The following GALNT14 variants were observed in gnomAD, a reference collection of about 807,000 sequenced individuals.
GALNT14 encodes polypeptide N-acetylgalactosaminyltransferase 14.
GALNT14 carries 60 observed loss-of-function variants against 77.5 expected under a neutral mutation model. That is an observed-to-expected ratio of 0.77 (90% CI 0.63 to 0.96). The LOEUF (loss-of-function observed/expected upper bound fraction) is 0.96. Among genes scored for constraint, GALNT14 ranks in the 40% least tolerant of loss-of-function variants. The probability of loss-of-function intolerance (pLI) is 0.00; values close to 1 mark genes in which losing one functional copy is unlikely to be tolerated. For missense variants in GALNT14, 710 were observed against 731.0 expected, an observed-to-expected ratio of 0.97 and a Z score of 0.33; for synonymous variants, 280 against 281.7, an observed-to-expected ratio of 0.99 and a Z score of 0.06.
chr2:31,130,734 CTGTGTGTGTGTG>C lies in GALNT14; in HGVS notation c.129+7212_129+7223del, dbSNP rs4020220. Among the ~76,000 whole-genome samples the C allele has an allele frequency of 5.9e-3, 691 of 117,534 alleles. 5 individuals are homozygous for C. Among genetic ancestry groups the C allele is most frequent in the African/African-American group, 0.018 (530 of 28,868 alleles). 77.1% of individuals were successfully genotyped at this position (117,534 alleles called of 152,430 possible). ...TCCTGCAGAATTCCCCAGGGTACCT[CTGTGTGTGTGTG>C]TGTGTGTGTGTGTGTGTGTGTGTGT... On this transcript the variant is annotated intron_variant, in intron 1 of 14. Coordinates refer to ENST00000349752, the MANE Select transcript of GALNT14 (RefSeq NM_024572.4).
At chr2:31,095,365 G>T (rs1676947957) in intron 1 of GALNT14, among the ~76,000 whole-genome samples, 1 of 152,130 alleles carries the variant, frequency 6.6e-6, no homozygotes, top group African/African-American at 2.4e-5. Flanking sequence ...ACATAGCGTG[G>T]GTTCTGTATT....
intron 1 of GALNT14, among the ~76,000 whole-genome samples, chr2:31,123,565 T>C (rs1678530303): frequency 6.6e-6 from 1 of 152,156 alleles, no homozygotes; most frequent in South Asian, 2.1e-4. Context: ...AAATGCTTCT[T>C]TCAAAAAAAT....
chr2:30,932,211 C>T lies in GALNT14; in HGVS notation c.932-17G>A, dbSNP rs1274915066. 17 of 1,470,566 alleles carry T rather than the reference C, an allele frequency of 1.2e-5. No individual in the cohort carries two copies. The highest frequency in any genetic ancestry group is 1.5e-5 in the Non-Finnish European group (17 of 1,106,016). The allele number at this position is 1,470,566 out of a possible 1,614,324, so 91.1% of individuals were successfully genotyped here. A position where few individuals can be genotyped will look rare whatever the true frequency, so the allele number is the denominator to read the frequency against. On this transcript the variant is annotated splice_polypyrimidine_tract_variant and intron_variant, in intron 9 of 14. Coordinates refer to ENST00000349752, the MANE Select transcript of GALNT14 (RefSeq NM_024572.4). ...AGGAGATTTCTGCAAGACAGTCACG[C>T]CCCTCCTATGACCTCTTATCACTGC...
chr2:31,091,686 G>T (rs565814772), intron 1 of GALNT14, among the ~76,000 whole-genome samples: 7 of 152,320 alleles, frequency 4.6e-5, no homozygotes, highest in African/African-American at 1.7e-4. Context: ...TGTGGTGAGG[G>T]TTTGCTCTCT....
chr2:30,944,493 G>C (rs73921202), intron 8 of GALNT14, among the ~76,000 whole-genome samples: 3,335 of 152,252 alleles, frequency 0.022, 127 homozygotes, highest in African/African-American at 0.075. Flanking sequence ...GCTGAATCCT[G>C]ATGTCCAAGA....
chr2:30,994,873 A>G (rs905710439), intron 1 of GALNT14, among the ~76,000 whole-genome samples: 1 of 152,104 alleles, frequency 6.6e-6, no homozygotes, highest in African/African-American at 2.4e-5. Flanking sequence ...TTGCAGAGAG[A>G]CATGCATGGA....
At position 30,916,583 on chromosome 2, in the gene GALNT14, C is replaced by T. The variant is rs889319482; in HGVS notation, c.1381-4241G>A. Among the ~76,000 whole-genome samples, 9 of 152,320 alleles carry T rather than the reference C, an allele frequency of 5.9e-5. No individual in the cohort carries two copies. The East Asian group carries it at 1.7e-3, about 29-fold the overall frequency. ...CTGGGTCAGACAGCCTTAAAACCTTCTGTGCTTGGAGGACACGTCTGGAGA... is the reference window on the plus strand; with the variant it reads ...CTGGGTCAGACAGCCTTAAAACCTTTTGTGCTTGGAGGACACGTCTGGAGA... On this transcript the variant is annotated intron_variant, in intron 13 of 14. Coordinates refer to ENST00000349752, the MANE Select transcript of GALNT14 (RefSeq NM_024572.4).
chr2:30,946,785 A>G (rs913550050), intron 6 of GALNT14, among the ~76,000 whole-genome samples: 1 of 152,154 alleles, frequency 6.6e-6, no homozygotes, highest in African/African-American at 2.4e-5. Flanking sequence ...GTTGATGAAT[A>G]GCATCTCCCA....
rs901939424 is a variant in GALNT14, at chr2:31,138,353, G to T, written c.-267C>A. On this transcript the variant is annotated 5_prime_UTR_variant, in exon 1 of 15. Transcript: ENST00000349752. ...GGACGCCCGCTCCAGCGGGAGAAGC[G>T]CGGTGGCTGCCGAGATGTTCCCCAC... The T allele has an allele frequency of 4.4e-6, 2 of 456,006 alleles. No homozygotes were observed. Among genetic ancestry groups the T allele is most frequent in the Non-Finnish European group, 7.7e-6 (2 of 258,518 alleles). 28.2% of individuals were successfully genotyped at this position (456,006 alleles called of 1,614,324 possible). A position where few individuals can be genotyped will look rare whatever the true frequency, so the allele number is the denominator to read the frequency against.
chr2:31,016,559 C>T (rs924743573), intron 1 of GALNT14, among the ~76,000 whole-genome samples: 8 of 152,208 alleles, frequency 5.3e-5, no homozygotes, highest in African/African-American at 1.9e-4. Context: ...TTCCACTGGG[C>T]CTGCACACCC....
chr2:31,045,940 T>C (rs1022168676), intron 1 of GALNT14, among the ~76,000 whole-genome samples: 1 of 152,186 alleles, frequency 6.6e-6, no homozygotes, highest in African/African-American at 2.4e-5. Flanking sequence ...ATCATCCTGT[T>C]ACCACTGCTG....
chr2:31,072,920 A>G (rs1675509206), intron 1 of GALNT14: 1 of 152,164 alleles, frequency 6.6e-6, no homozygotes, highest in African/African-American at 2.4e-5. Context: ...TTGCTCTTAA[A>G]CAGTTGAGTG....
At chr2:31,009,526 T>C (rs964971086) in intron 1 of GALNT14, among the ~76,000 whole-genome samples, 1 of 152,314 alleles carries the variant, frequency 6.6e-6, no homozygotes, top group East Asian at 1.9e-4. Context: ...GACAACCTTC[T>C]ATAGATGGAG....
Position 31,093,125 on chromosome 2 carries a change from G to A in GALNT14, c.129+44833C>T, listed in dbSNP as rs138101484. ...AGAGAGGACAGGGTGCTATGTGTAC[G>A]GCTGAAAGTGTAATATCTCTGCCCA... On this transcript the variant is annotated intron_variant, in intron 1 of 14. Coordinates refer to ENST00000349752, the MANE Select transcript of GALNT14 (RefSeq NM_024572.4). Among the ~76,000 whole-genome samples, 267 of 152,244 alleles carry A rather than the reference G, an allele frequency of 1.8e-3. 1 individual carries two copies. The highest frequency in any genetic ancestry group is 3.2e-3 in the Non-Finnish European group (221 of 68,024).
intron 1 of GALNT14, among the ~76,000 whole-genome samples, chr2:31,069,908 G>A (rs1675235829): frequency 6.6e-6 from 1 of 152,146 alleles, no homozygotes; most frequent in Non-Finnish European, 1.5e-5. Flanking sequence ...CTTGCTCAGT[G>A]AGAAGCAGGC....
At position 31,122,027 on chromosome 2, in the gene GALNT14, A is replaced by T. The variant is rs574531939; in HGVS notation, c.129+15931T>A. 2.6e-5 allele frequency among the ~76,000 whole-genome samples: 4 copies of T among 152,322 alleles called. No homozygotes were observed. The South Asian group carries it at 6.2e-4, about 24-fold the overall frequency. On this transcript the variant is annotated intron_variant, in intron 1 of 14. Transcript: ENST00000349752. ...AAGGAATAAATAGCCCAGAGGGTGA[A>T]AAAAAGGGCAATGCCTTTGAGGACT...
chr2:31,135,690 A>G (rs1394200394), intron 1 of GALNT14, among the ~76,000 whole-genome samples: 1 of 152,212 alleles, frequency 6.6e-6, no homozygotes, highest in Non-Finnish European at 1.5e-5. Context: ...GCACAGTACA[A>G]TGTCCTGACT....
intron 1 of GALNT14, among the ~76,000 whole-genome samples, chr2:31,029,678 A>G (rs2148477123): frequency 6.6e-6 from 1 of 152,270 alleles, no homozygotes; most frequent in South Asian, 2.1e-4. Flanking sequence ...GCAATCATGT[A>G]GACTAGAACA....
chr2:31,131,537 T>C (rs971758933), intron 1 of GALNT14, among the ~76,000 whole-genome samples: 1 of 152,188 alleles, frequency 6.6e-6, no homozygotes, highest in Non-Finnish European at 1.5e-5. Context: ...TGGGATGCTA[T>C]AGAAGAGTGA....
Sources: gnomAD v4.1 joint callset for allele counts (sites outside exome capture counted in the v4.1 genomes callset) on GRCh38, gnomAD v4.1.1 for gene constraint, MANE v1.5 for transcripts, NCBI Gene and HGNC (gene_info 2026-07-23, HGNC 2026-07-21) for gene names.